Variants in BRCA1 observed in about 807,000 individuals in gnomAD.
BRCA1 encodes BRCA1 DNA repair associated.
BRCA1 carries 140 observed loss-of-function variants against 173.7 expected under a neutral mutation model. That is an observed-to-expected ratio of 0.81 (90% CI 0.70 to 0.93). BRCA1 has a LOEUF of 0.93. BRCA1 is among the 40% of genes least tolerant of loss of function. The pLI, the probability that BRCA1 is intolerant of heterozygous loss-of-function variation, is 0.00. For synonymous variants in BRCA1, 662 were observed against 756.0 expected, an observed-to-expected ratio of 0.88 and a Z score of 2.04; for missense variants, 1,983 against 2,172.5, an observed-to-expected ratio of 0.91 and a Z score of 1.73.
intron 12 of BRCA1, among the ~76,000 whole-genome samples, chr17:43,078,454 G>C (rs1036797998): frequency 6.6e-6 from 1 of 152,188 alleles, no homozygotes; most frequent in Non-Finnish European, 1.5e-5. Flanking sequence ...TTATAGGCGT[G>C]AGCCACCATG....
intron 6 of BRCA1, among the ~76,000 whole-genome samples, chr17:43,100,214 A>AT (rs8176138): frequency 2.7e-5 from 4 of 150,728 alleles, no homozygotes; most frequent in African/African-American, 7.3e-5. Flanking sequence ...TGTGATTTGA[A>AT]TTTTTTTTTC....
chr17:43,093,084 T>A lies in BRCA1; in HGVS notation c.2447A>T (p.His816Leu), dbSNP rs80357108. 2 of 1,613,762 alleles carry A rather than the reference T, an allele frequency of 1.2e-6. No individual in the cohort carries two copies. Among genetic ancestry groups the A allele is most frequent in the East Asian group, 2.2e-5 (1 of 44,884 alleles). Residue 816 changes from histidine (H) to leucine (L), a missense_variant, in exon 10 of 23, where the codon CAT (histidine) becomes CTT (leucine). Transcript: ENST00000357654. Reference protein sequence around the residue: ...AAFENPKGLIHGCSKDNRNDT... With the variant: ...AAFENPKGLILGCSKDNRNDT... ...ATTTCTATTATCTTTGGAACAACCATGAATTAGTCCCTTGGGGTTTTCAAA... is the reference window on the plus strand; with the variant it reads ...ATTTCTATTATCTTTGGAACAACCAAGAATTAGTCCCTTGGGGTTTTCAAA...
Position 43,044,953 on chromosome 17 carries a change from A to T in BRCA1, c.*725T>A, listed in dbSNP as rs1454714983. The T allele has an allele frequency of 4.2e-6, 2 of 475,998 alleles. No individual in the cohort carries two copies. Among genetic ancestry groups the T allele is most frequent in the East Asian group, 4.8e-5 (1 of 20,812 alleles). 29.5% of individuals were successfully genotyped at this position (475,998 alleles called of 1,614,324 possible). ...TGAGTAGCTGGGATTACAGGTGTCC[A>T]CCACCATGACCGGCTAATTTCTGTA... On this transcript the variant is annotated 3_prime_UTR_variant, in exon 23 of 23. Transcript: ENST00000357654.
At chr17:43,084,634 T>C (rs2053158396) in intron 11 of BRCA1, among the ~76,000 whole-genome samples, 1 of 152,208 alleles carries the variant, frequency 6.6e-6, no homozygotes, top group Non-Finnish European at 1.5e-5. Context: ...TTTCTCCTGC[T>C]ACACTGAGTT....
chr17:43,133,024 G>A (rs1003291019), intron 1 of BRCA1: 1 of 151,982 alleles, frequency 6.6e-6, no homozygotes, highest in Non-Finnish European at 1.5e-5. Context: ...CGCTGTCCTC[G>A]GTCTCCCAAA....
intron 12 of BRCA1, among the ~76,000 whole-genome samples, chr17:43,078,456 G>A (rs2052843983): frequency 6.6e-6 from 1 of 152,206 alleles, no homozygotes; most frequent in African/African-American, 2.4e-5. Flanking sequence ...ATAGGCGTGA[G>A]CCACCATGCC....
intron 1 of BRCA1, 26 bp downstream of exon 1, chr17:43,125,245 C>A (rs746485760): frequency 4.4e-6 from 2 of 456,240 alleles, no homozygotes; most frequent in South Asian, 3.1e-5. Context: ...CTTGGGCCCC[C>A]TGTCCCTTTC....
At chr17:43,100,607 A>ATAT (rs1369182141) in intron 6 of BRCA1, among the ~76,000 whole-genome samples, 1 of 86,988 alleles carries the variant, frequency 1.1e-5, no homozygotes, top group Admixed American at 1.5e-4. Flanking sequence ...ATATATATAT[A>ATAT]ACATATATAT....
chr17:43,086,007 T>C (rs2053215093), intron 11 of BRCA1, among the ~76,000 whole-genome samples: 1 of 152,122 alleles, frequency 6.6e-6, no homozygotes, highest in Non-Finnish European at 1.5e-5. Context: ...GTGAATATTT[T>C]CAAATATACA....
chr17:43,097,696 T>G (rs890339731), intron 7 of BRCA1, among the ~76,000 whole-genome samples: 12 of 152,214 alleles, frequency 7.9e-5, no homozygotes, highest in African/African-American at 2.9e-4. Context: ...TTGGAAAAAT[T>G]TCATAACTTC....
chr17:43,127,210 G>T (rs799909), upstream of BRCA1, among the ~76,000 whole-genome samples: 1 of 152,214 alleles, frequency 6.6e-6, no homozygotes, highest in Non-Finnish European at 1.5e-5. Flanking sequence ...GAGTGCAGGC[G>T]CCCGGCACAG....
Position 43,045,562 on chromosome 17 carries a change from T to C in BRCA1, c.*116A>G. The C allele has an allele frequency of 6.9e-7, 1 of 1,451,862 alleles. No individual in the cohort carries two copies. The highest frequency in any genetic ancestry group is 1.2e-5 in the South Asian group (1 of 83,630). The allele number at this position is 1,451,862 out of a possible 1,614,324, so 89.9% of individuals were successfully genotyped here. A position where few individuals can be genotyped will look rare whatever the true frequency, so the allele number is the denominator to read the frequency against. On this transcript the variant is annotated 3_prime_UTR_variant, in exon 23 of 23. Coordinates refer to ENST00000357654, the MANE Select transcript of BRCA1 (RefSeq NM_007294.4). ...TTCAGGCTGATGTACATAAAATATT[T>C]AGTAGCCAGGACAGTAGAAGGACTG...
chr17:43,120,085 A>G (rs1303709433), intron 2 of BRCA1, among the ~76,000 whole-genome samples: 1 of 152,232 alleles, frequency 6.6e-6, no homozygotes, highest in Non-Finnish European at 1.5e-5. Context: ...TGAGCTTCCA[A>G]TACGGATAAG....
intron 3 of BRCA1, among the ~76,000 whole-genome samples, chr17:43,115,225 C>T (rs1018331270): frequency 2.6e-5 from 4 of 152,084 alleles, no homozygotes; most frequent in Non-Finnish European, 5.9e-5. Flanking sequence ...ATATGTCAGT[C>T]GGGTGTGGTG....
In BRCA1 at chr17:43,106,522, A is replaced by C. The variant is rs273897660; in HGVS notation, c.146T>G (p.Leu49Arg). ...CDHIFCKFCM[L>R]KLLNQKKGPS... Reference sequence around the variant, plus strand: ...CCCTTTCTTCTGGTTGAGAAGTTTCAGCATGCAAAATCTATAAATTATAAA... The same window carrying C: ...CCCTTTCTTCTGGTTGAGAAGTTTCCGCATGCAAAATCTATAAATTATAAA... Residue 49 changes from leucine to arginine, a missense_variant, in exon 4 of 23, where the codon CTG (leucine) becomes CGG (arginine). Physicochemically the swap from Leu to Arg is moderately radical, Grantham distance 102. Coordinates refer to ENST00000357654, the MANE Select transcript of BRCA1 (RefSeq NM_007294.4). 1.9e-6 allele frequency: 3 copies of C among 1,595,030 alleles called. No homozygotes were observed. Among genetic ancestry groups the C allele is most frequent in the Non-Finnish European group, 1.7e-6 (2 of 1,163,882 alleles).
chr17:43,093,560 T>C lies in BRCA1; in HGVS notation c.1971A>G (p.Gln657=), dbSNP rs28897679. The C allele has an allele frequency of 1.2e-3, 1,927 of 1,614,028 alleles. 19 individuals are homozygous for C. The African/African-American group carries it at 0.023, about 19-fold the overall frequency. ...SEEIKKKKYN[Q]MPVRHSRNLQ... is the part of the protein sequence containing the mutation. ...GGTTTCTGCTGTGCCTGACTGGCAT[T>C]TGGTTGTACTTTTTTTTCTTTATCT... The change falls in exon 10 of 23, where the codon CAA becomes CAG. Residue 657 remains glutamine, a synonymous_variant. Coordinates refer to ENST00000357654, the MANE Select transcript of BRCA1 (RefSeq NM_007294.4).
At chr17:43,060,017 T>C (rs2051677638) in intron 18 of BRCA1, among the ~76,000 whole-genome samples, 1 of 152,128 alleles carries the variant, frequency 6.6e-6, no homozygotes, top group African/African-American at 2.4e-5. Flanking sequence ...GCGATTCTCC[T>C]GCCCCAGCCT....
At chr17:43,055,939 C>G (rs536730460) in intron 19 of BRCA1, among the ~76,000 whole-genome samples, 40 of 151,972 alleles carry the variant, frequency 2.6e-4, no homozygotes, top group Non-Finnish European at 4.7e-4. Context: ...GACTCTGGCC[C>G]GAAAAATAAA....
intron 2 of BRCA1, chr17:43,119,088 A>C: frequency 4.7e-6 from 1 of 214,780 alleles, no homozygotes. Flanking sequence ...TTTTTTGGAT[A>C]AAGTCCAGGC....
Sources: gnomAD v4.1 joint callset for allele counts (sites outside exome capture counted in the v4.1 genomes callset) on GRCh38, gnomAD v4.1.1 for gene constraint, MANE v1.5 for transcripts, NCBI Gene and HGNC (gene_info 2026-07-23, HGNC 2026-07-21) for gene names.